The following RASAL2 variants were observed in gnomAD, a reference collection of about 807,000 sequenced individuals.
RASAL2 encodes the protein ras GTPase-activating protein nGAP.
Under a neutral mutation model 128.9 loss-of-function variants are expected in RASAL2, and 58 were observed. The ratio of observed to expected loss-of-function variants is 0.45; its 90% CI spans 0.36 to 0.56. The LOEUF (loss-of-function observed/expected upper bound fraction) is 0.56. RASAL2 is among the 20% of genes least tolerant of loss of function. RASAL2 has a pLI of 0.00. For synonymous variants in RASAL2, 561 were observed against 580.8 expected, an observed-to-expected ratio of 0.97 and a Z score of 0.49; for missense variants, 1,360 against 1,601.6, an observed-to-expected ratio of 0.85 and a Z score of 2.57.
At chr1:178,104,661 G>A (rs1372748376) in intron 1 of RASAL2, among the ~76,000 whole-genome samples, 1 of 152,110 alleles carries the variant, frequency 6.6e-6, no homozygotes, top group Non-Finnish European at 1.5e-5. Context: ...CTGCTGTGTT[G>A]CTACTTTCAA....
chr1:178,246,763 G>A (rs919262912), intron 1 of RASAL2, among the ~76,000 whole-genome samples: 1 of 152,092 alleles, frequency 6.6e-6, no homozygotes, highest in Non-Finnish European at 1.5e-5. Flanking sequence ...TTTATTGAGA[G>A]TTTTTAGCAT....
intron 4 of RASAL2, among the ~76,000 whole-genome samples, chr1:178,400,994 A>T (rs1006798279): frequency 1.3e-5 from 2 of 152,086 alleles, no homozygotes; most frequent in Non-Finnish European, 2.9e-5. Context: ...CAGGTGATCC[A>T]CCTACCTTGG....
At chr1:178,335,756 C>G (rs1669554230) in intron 3 of RASAL2, among the ~76,000 whole-genome samples, 1 of 152,138 alleles carries the variant, frequency 6.6e-6, no homozygotes, top group Admixed American at 6.6e-5. Context: ...TTTGAAAATT[C>G]AGTACATCGT....
intron 3 of RASAL2, among the ~76,000 whole-genome samples, chr1:178,321,774 A>G (rs907945896): frequency 6.6e-5 from 10 of 151,900 alleles, no homozygotes; most frequent in African/African-American, 2.4e-4. Flanking sequence ...GGATCACCTG[A>G]GGTCAGGAGT....
intron 1 of RASAL2, among the ~76,000 whole-genome samples, chr1:178,158,290 C>A: frequency 6.6e-6 from 1 of 152,308 alleles, no homozygotes; most frequent in African/African-American, 2.4e-5. Context: ...GTTCAAAATC[C>A]CGTTCTGCCT....
At chr1:178,110,237 T>G (rs906247348) in intron 1 of RASAL2, among the ~76,000 whole-genome samples, 3 of 152,084 alleles carry the variant, frequency 2.0e-5, no homozygotes, top group Non-Finnish European at 4.4e-5. Flanking sequence ...CTGCTTTCTA[T>G]CTGTATAGAT....
intron 1 of RASAL2, among the ~76,000 whole-genome samples, chr1:178,182,396 A>G (rs1335489404): frequency 6.6e-6 from 1 of 152,194 alleles, no homozygotes; most frequent in African/African-American, 2.4e-5. Flanking sequence ...GGAGAATAAT[A>G]TTAGAAGTCA....
intron 1 of RASAL2, among the ~76,000 whole-genome samples, chr1:178,096,739 T>C (rs1049546099): frequency 6.6e-6 from 1 of 151,962 alleles, no homozygotes; most frequent in Non-Finnish European, 1.5e-5. Context: ...CATTGTAACT[T>C]TTTTTGTTTT....
At chr1:178,105,012 A>G (rs1659036982) in intron 1 of RASAL2, among the ~76,000 whole-genome samples, 1 of 152,210 alleles carries the variant, frequency 6.6e-6, no homozygotes, top group African/African-American at 2.4e-5. Flanking sequence ...AGGAGTTGAC[A>G]TTCATGAAAG....
chr1:178,457,547 G>T, intron 13 of RASAL2, 136 bp from the exon 14 acceptor site: 1 of 899,978 alleles, frequency 1.1e-6, no homozygotes. Flanking sequence ...TCCCTAATTA[G>T]ATAAAATCTG....
At chr1:178,318,043 G>A (rs1327919018) in intron 3 of RASAL2, among the ~76,000 whole-genome samples, 10 of 151,252 alleles carry the variant, frequency 6.6e-5, no homozygotes, top group East Asian at 5.8e-4. Flanking sequence ...CCTTCATTTC[G>A]TTATGTACCC....
chr1:178,414,371 C>G (rs1026736001), intron 4 of RASAL2, among the ~76,000 whole-genome samples: 2 of 152,110 alleles, frequency 1.3e-5, no homozygotes, highest in African/African-American at 4.8e-5. Context: ...CTGCATAATA[C>G]TATAATTGTG....
At chr1:178,095,123 A>G (rs1658626057) in intron 1 of RASAL2, among the ~76,000 whole-genome samples, 1 of 152,230 alleles carries the variant, frequency 6.6e-6, no homozygotes, top group Non-Finnish European at 1.5e-5. Context: ...CTAATGAATG[A>G]AAAAAATGCA....
At chr1:178,344,069 C>T (rs1670023008) in intron 3 of RASAL2, among the ~76,000 whole-genome samples, 1 of 151,968 alleles carries the variant, frequency 6.6e-6, no homozygotes, top group Non-Finnish European at 1.5e-5. Flanking sequence ...TTCTTTTGAC[C>T]AGTGTTTTCT....
At chr1:178,451,860 T>C in intron 10 of RASAL2, 145 bp downstream of exon 10, 11 of 993,998 alleles carry the variant, frequency 1.1e-5, no homozygotes, top group Non-Finnish European at 1.6e-5. Context: ...ATTGAAAGTT[T>C]CCCTAATACA....
At chr1:178,116,028 C>T (rs892127128) in intron 1 of RASAL2, among the ~76,000 whole-genome samples, 46 of 152,184 alleles carry the variant, frequency 3.0e-4, no homozygotes, top group African/African-American at 1.1e-3. Context: ...CATTTTTCTT[C>T]CAGGGGAATA....
In RASAL2 at chr1:178,442,842, A is replaced by G; in HGVS notation, c.1095A>G (p.Glu365=). The G allele has an allele frequency of 6.2e-7, 1 of 1,614,030 alleles. No individual in the cohort carries two copies. Among genetic ancestry groups the G allele is most frequent in the Non-Finnish European group, 8.5e-7 (1 of 1,179,954 alleles). The change falls in exon 8 of 18, where the codon GAA becomes GAG. Residue 365 remains glutamate (E), a synonymous_variant. Transcript: ENST00000367649. Reference sequence around the variant, plus strand: ...ATATTTTCTGGGGCGAACATTTTGAATTCTTCAGCCTTCCACCTCTTCATA... The same window carrying G: ...ATATTTTCTGGGGCGAACATTTTGAGTTCTTCAGCCTTCCACCTCTTCATA... ...ADNIFWGEHF[E]FFSLPPLHSI...
At chr1:178,373,330 A>C (rs1308564877) in intron 3 of RASAL2, among the ~76,000 whole-genome samples, 3 of 126,640 alleles carry the variant, frequency 2.4e-5, no homozygotes, top group Non-Finnish European at 4.7e-5. Context: ...AGGTCTTCCT[A>C]GGTACATATA....
Position 178,458,063 on chromosome 1 carries a change from A to G in RASAL2, c.2771A>G (p.Asn924Ser). 5.0e-6 allele frequency: 8 copies of G among 1,614,088 alleles called. No individual in the cohort carries two copies. Among genetic ancestry groups the G allele is most frequent in the Non-Finnish European group, 6.8e-6 (8 of 1,180,022 alleles). The change falls in exon 14 of 18, where the codon AAC (asparagine) becomes AGC (serine). Residue 924 changes from asparagine (N) to serine (S), a missense_variant. Asn to Ser is a conservative substitution (Grantham distance 46). Around this residue, in one of 3 missense-constraint regions of RASAL2, gnomAD observed 741 missense variants for 868.6 expected, o/e 0.85. Coordinates refer to ENST00000367649, the MANE Select transcript of RASAL2 (RefSeq NM_170692.4). ...PGGLQPLSFQNPVYHLNNPIP... is the reference protein window; with the variant it reads ...PGGLQPLSFQSPVYHLNNPIP... ...GGCCTTCAGCCCTTGTCGTTCCAGA[A>G]CCCTGTCTATCACCTCAATAACCCA...
Sources: allele counts gnomAD v4.1 joint callset (sites outside exome capture counted in the v4.1 genomes callset), GRCh38; gene constraint gnomAD v4.1.1; regional missense constraint gnomAD v4.1.1; transcripts MANE v1.5; gene names NCBI Gene and HGNC (gene_info 2026-07-23, HGNC 2026-07-21).